The following LRRFIP2 variants were observed in gnomAD, a reference collection of about 807,000 sequenced individuals.
The protein encoded by LRRFIP2 is LRR binding FLII interacting protein 2.
In LRRFIP2, 109 loss-of-function variants were observed where a neutral mutation model predicts 125.9. The observed-to-expected ratio is 0.87, with a 90% CI of 0.74 to 1.01. The LOEUF (loss-of-function observed/expected upper bound fraction) is 1.01. Ranked by LOEUF, LRRFIP2 falls within the 50% of genes least tolerant of loss-of-function variation. LRRFIP2 has a pLI of 0.00. For synonymous variants in LRRFIP2, 291 were observed against 293.1 expected, an observed-to-expected ratio of 0.99 and a Z score of 0.07; for missense variants, 850 against 862.3, an observed-to-expected ratio of 0.99 and a Z score of 0.18.
At chr3:37,168,132 A>C (rs1163071230) in intron 1 of LRRFIP2, among the ~76,000 whole-genome samples, 1 of 152,198 alleles carries the variant, frequency 6.6e-6, no homozygotes, top group Admixed American at 6.5e-5. Context: ...TTAAGCATAG[A>C]ATTACCAAAT....
chr3:37,070,667 T>G (rs954902427), intron 21 of LRRFIP2, among the ~76,000 whole-genome samples: 2 of 151,822 alleles, frequency 1.3e-5, no homozygotes, highest in Admixed American at 1.3e-4. Flanking sequence ...ACCCAGGAGG[T>G]TGCAGTGAGC....
chr3:37,109,594 A>G, intron 10 of LRRFIP2, 23 bp from the exon 11 acceptor site: 1 of 1,614,096 alleles, frequency 6.2e-7, no homozygotes, highest in Non-Finnish European at 8.5e-7. Flanking sequence ...TGTATTATTA[A>G]ACCCCAAAAA....
intron 7 of LRRFIP2, among the ~76,000 whole-genome samples, chr3:37,113,435 C>A (rs549271007): frequency 1.3e-5 from 2 of 152,050 alleles, no homozygotes; most frequent in Non-Finnish European, 2.9e-5. Context: ...TAGGTAGGAC[C>A]ACAGGCATGT....
chr3:37,128,915 C>G, intron 3 of LRRFIP2, 148 bp downstream of exon 3: 1 of 694,710 alleles, frequency 1.4e-6, no homozygotes, highest in Non-Finnish European at 2.5e-6. Context: ...ATTTAATTTG[C>G]TGGCACAGAA....
intron 1 of LRRFIP2, among the ~76,000 whole-genome samples, chr3:37,157,559 A>G (rs9823120): frequency 0.38 from 57,929 of 151,626 alleles, 11,775 homozygotes; most frequent in Non-Finnish European, 0.45. Flanking sequence ...GAGGAGAGAG[A>G]GGGGAAAAGA....
At chr3:37,169,163 G>C (rs1314023845) in intron 1 of LRRFIP2, among the ~76,000 whole-genome samples, 1 of 152,012 alleles carries the variant, frequency 6.6e-6, no homozygotes, top group Non-Finnish European at 1.5e-5. Flanking sequence ...ATGTTTGCTT[G>C]ACAAAATTAC....
chr3:37,127,932 A>T lies in LRRFIP2; in HGVS notation c.178-252T>A, dbSNP rs528660507. 8.3e-4 allele frequency among the ~76,000 whole-genome samples: 126 copies of T among 152,164 alleles called. 2 individuals are homozygous for T. In the Middle Eastern group the frequency reaches 0.01, roughly 12 times the overall value. ...CATTCACTTATTTATTTATTTATTTATTTTTTTGAGACAGGATCTCACTTA... is the reference window on the plus strand; with the variant it reads ...CATTCACTTATTTATTTATTTATTTTTTTTTTTGAGACAGGATCTCACTTA... On this transcript the variant is annotated intron_variant, in intron 3 of 27. Transcript: ENST00000336686.
chr3:37,159,712 G>A (rs191845932), intron 1 of LRRFIP2, among the ~76,000 whole-genome samples: 44 of 151,680 alleles, frequency 2.9e-4, no homozygotes, highest in Admixed American at 5.9e-4. Context: ...TCACCACGTT[G>A]GCCAGGCTGT....
At chr3:37,124,685 C>A (rs558069349) in intron 4 of LRRFIP2, among the ~76,000 whole-genome samples, 2 of 152,222 alleles carry the variant, frequency 1.3e-5, no homozygotes, top group African/African-American at 2.4e-5. Flanking sequence ...ATTCACCAGA[C>A]AACTGAACTG....
chr3:37,066,309 T>C lies in LRRFIP2; in HGVS notation c.1481A>G (p.Lys494Arg). 1 of 1,614,138 alleles carries C rather than the reference T, an allele frequency of 6.2e-7. No individual in the cohort carries two copies. Among genetic ancestry groups the C allele is most frequent in the Non-Finnish European group, 8.5e-7 (1 of 1,179,964 alleles). ...DKKIGALEKQ[K>R]EYIACLRNER... ...ATTCCTAAGGCAGGCAATGTATTCT[T>C]TCTGTTTCTCTAGGGCCTGGTTTTA... Residue 494 changes from lysine (K) to arginine (R), a missense_variant, in exon 22 of 28, where the codon AAA (lysine) becomes AGA (arginine). Lys to Arg is a conservative substitution (Grantham distance 26). Transcript: ENST00000336686.
intron 1 of LRRFIP2, among the ~76,000 whole-genome samples, chr3:37,173,196 T>TA (rs1237501005): frequency 1.1e-3 from 160 of 142,574 alleles, no homozygotes; most frequent in Admixed American, 1.3e-3. Flanking sequence ...AGACTCCACC[T>TA]AAAAAAAAAA....
At chr3:37,111,167 G>T in intron 8 of LRRFIP2, 102 bp from the exon 9 acceptor site, 2 of 741,432 alleles carry the variant, frequency 2.7e-6, no homozygotes, top group Non-Finnish European at 4.5e-6. Flanking sequence ...ATATGATATT[G>T]CCAAATCCCT....
chr3:37,147,765 T>C (rs1313485283), intron 2 of LRRFIP2, among the ~76,000 whole-genome samples: 2 of 152,260 alleles, frequency 1.3e-5, no homozygotes, highest in Admixed American at 1.3e-4. Flanking sequence ...CCATATTAGT[T>C]TGTGGTCAGT....
chr3:37,085,708 C>T (rs541283800), intron 18 of LRRFIP2, among the ~76,000 whole-genome samples: 1 of 151,512 alleles, frequency 6.6e-6, no homozygotes, highest in Non-Finnish European at 1.5e-5. Context: ...CAGCCTCCCG[C>T]GTAGCTGGAA....
chr3:37,160,349 C>G (rs2096303321), intron 1 of LRRFIP2, among the ~76,000 whole-genome samples: 1 of 152,072 alleles, frequency 6.6e-6, no homozygotes, highest in African/African-American at 2.4e-5. Flanking sequence ...CTGTGAAAAC[C>G]CACTAACTCA....
chr3:37,081,749 G>A (rs1022021524), intron 19 of LRRFIP2, among the ~76,000 whole-genome samples: 8 of 151,840 alleles, frequency 5.3e-5, no homozygotes, highest in African/African-American at 1.7e-4. Flanking sequence ...TTAGCCAGGC[G>A]TGGTGGTACG....
intron 1 of LRRFIP2, among the ~76,000 whole-genome samples, chr3:37,152,447 AT>A (rs967473307): frequency 5.2e-4 from 77 of 147,734 alleles, no homozygotes; most frequent in Admixed American, 9.4e-4. Flanking sequence ...TATTGAAATA[AT>A]TTTTTTTTTT....
chr3:37,087,081 T>C lies in LRRFIP2; in HGVS notation c.1108-3275A>G, dbSNP rs147881344. Among the ~76,000 whole-genome samples the C allele has an allele frequency of 1.2e-3, 182 of 152,232 alleles. 1 individual carries two copies. The highest frequency in any genetic ancestry group is 4.2e-3 in the African/African-American group (173 of 41,546). The stretch of plus-strand genomic sequence containing the variant: ...GTTGCCCGGGTTGATCTCAAACTCC[T>C]GGGCTCAAGTGATCCACCCACCTTG... On this transcript the variant is annotated intron_variant, in intron 18 of 27. Transcript: ENST00000336686.
chr3:37,154,915 T>A (rs1445338867), intron 1 of LRRFIP2, among the ~76,000 whole-genome samples: 1 of 152,246 alleles, frequency 6.6e-6, no homozygotes, highest in Non-Finnish European at 1.5e-5. Context: ...TCATGGAGAA[T>A]TCAAAATATT....
Sources: gnomAD v4.1 joint callset for allele counts (sites outside exome capture counted in the v4.1 genomes callset) on GRCh38, gnomAD v4.1.1 for gene constraint, MANE v1.5 for transcripts, NCBI Gene and HGNC (gene_info 2026-07-23, HGNC 2026-07-21) for gene names.